ZNF662: variants seen among roughly 807,000 people sequenced by gnomAD.
ZNF662 encodes zinc finger protein 662.
ZNF662 carries 14 observed loss-of-function variants against 12.4 expected under a neutral mutation model. That is an observed-to-expected ratio of 1.13 (90% CI 0.75 to 1.77). The LOEUF is 1.77. Among genes scored for constraint, ZNF662 ranks in the 40% most tolerant of loss-of-function variants. ZNF662 has a pLI of 0.00. For missense variants in ZNF662, 550 were observed against 515.6 expected (o/e 1.07, Z -0.65); for synonymous variants, 184 against 176.4 (o/e 1.04, Z -0.34).
rs1168620459 is a variant in ZNF662 at position 42,912,396 on chromosome 3, T to TTTATATA, written c.152-789_152-783dup. 1.3e-3 allele frequency among the ~76,000 whole-genome samples: 131 copies of TTTATATA among 98,876 alleles called. 2 individuals are homozygous for TTTATATA. In the East Asian group the frequency reaches 0.03, roughly 22 times the overall value. The allele number at this position is 98,876 out of a possible 152,430, so 64.9% of individuals were successfully genotyped here. A position where few individuals can be genotyped will look rare whatever the true frequency, so the allele number is the denominator to read the frequency against. On this transcript the variant is annotated intron_variant, in intron 3 of 4. Transcript: ENST00000440367. ...ATATATTAAATATATATAATATATA[T>TTTATATA]TTATATATTATATATTATATATATT...
intron 3 of ZNF662, among the ~76,000 whole-genome samples, chr3:42,910,224 C>T (rs534013566): frequency 1.5e-4 from 23 of 152,298 alleles, no homozygotes; most frequent in South Asian, 4.1e-4. Flanking sequence ...TGGCGGCGCC[C>T]GCCTGCAATC....
In ZNF662 at chr3:42,917,414, C is replaced by T. The variant is rs1002508807; in HGVS notation, c.*2060C>T. Reference sequence around the variant, plus strand: ...TGTGGCACATAGGAAAATGTGAGACCTAGAATTATAGCAACTTTTTTTTTC... The same window carrying T: ...TGTGGCACATAGGAAAATGTGAGACTTAGAATTATAGCAACTTTTTTTTTC... On this transcript the variant is annotated 3_prime_UTR_variant, in exon 5 of 5. Coordinates refer to ENST00000440367, the MANE Select transcript of ZNF662 (RefSeq NM_207404.4). The T allele has an allele frequency of 9.0e-6, 6 of 669,252 alleles. No homozygotes were observed. In the East Asian group the frequency reaches 1.6e-4, roughly 18 times the overall value. 41.5% of individuals were successfully genotyped at this position (669,252 alleles called of 1,614,324 possible). A position where few individuals can be genotyped will look rare whatever the true frequency, so the allele number is the denominator to read the frequency against.
At position 42,914,666 on chromosome 3, in the gene ZNF662, GCAAGTGTTTTGAT is replaced by G; in HGVS notation, c.597_609del (p.Cys200MetfsTer42). On this transcript the variant is annotated frameshift_variant, in exon 5 of 5. Coordinates refer to ENST00000440367, the MANE Select transcript of ZNF662 (RefSeq NM_207404.4). LOFTEE classifies it low-confidence loss of function (END_TRUNC). ...ATATTCTATATATGTGAGGAATGCG[GCAAGTGTTTTGAT>G]CAAAATGAGGACTTTGATCAACACC... is the stretch of plus-strand genomic sequence containing the variant. 6.2e-7 allele frequency: 1 copy of G among 1,614,144 alleles called. No homozygotes were observed. Among genetic ancestry groups the G allele is most frequent in the Non-Finnish European group, 8.5e-7 (1 of 1,180,022 alleles).
intron 1 of ZNF662, among the ~76,000 whole-genome samples, chr3:42,907,444 G>A (rs1220250137): frequency 6.6e-6 from 1 of 152,166 alleles, no homozygotes; most frequent in African/African-American, 2.4e-5. Context: ...TCCTATACAG[G>A]GGCAGCAGGG....
chr3:42,915,549 A>C lies in ZNF662; in HGVS notation c.*195A>C. On this transcript the variant is annotated 3_prime_UTR_variant, in exon 5 of 5. Transcript: ENST00000440367. Reference sequence around the variant, plus strand: ...ATGATGTTTTAACAAGGCATCATTTAGTTGGGCAGCTACTCTGTATCAGGT... The same window carrying C: ...ATGATGTTTTAACAAGGCATCATTTCGTTGGGCAGCTACTCTGTATCAGGT... 1.8e-6 allele frequency: 1 copy of C among 554,638 alleles called. No individual in the cohort carries two copies. The highest frequency in any genetic ancestry group is 2.9e-5 in the East Asian group (1 of 34,154). 34.4% of individuals were successfully genotyped at this position (554,638 alleles called of 1,614,324 possible).
At position 42,915,339 on chromosome 3, in the gene ZNF662, C is replaced by A; in HGVS notation, c.1266C>A (p.His422Gln). ...RDKPYNCQIS[H>Q]LLEH ...AACCCTATAACTGTCAGATCTCTCA[C>A]CTTCTTGAACATTAGAGAGTGCATA... Residue 422 changes from histidine (H) to glutamine (Q), a missense_variant, in exon 5 of 5, where the codon CAC becomes CAA. Coordinates refer to ENST00000440367, the MANE Select transcript of ZNF662 (RefSeq NM_207404.4). 2 of 1,573,006 alleles carry A rather than the reference C, an allele frequency of 1.3e-6. No individual in the cohort carries two copies. The highest frequency in any genetic ancestry group is 2.2e-5 in the East Asian group (1 of 44,698).
At position 42,917,432 on chromosome 3, in the gene ZNF662, T is replaced by G. The variant is rs1303469877; in HGVS notation, c.*2078T>G. The G allele has an allele frequency of 2.9e-6, 2 of 677,990 alleles. No individual in the cohort carries two copies. Among genetic ancestry groups the G allele is most frequent in the African/African-American group, 3.6e-5 (2 of 55,330 alleles). 42.0% of individuals were successfully genotyped at this position (677,990 alleles called of 1,614,324 possible). ...GTGAGACCTAGAATTATAGCAACTT[T>G]TTTTTTCTGTTAAAAGGGGAGATTC... is the stretch of plus-strand genomic sequence containing the variant. On this transcript the variant is annotated 3_prime_UTR_variant, in exon 5 of 5. Transcript: ENST00000440367.
In ZNF662 at chr3:42,915,334, T is replaced by A; in HGVS notation, c.1261T>A (p.Ser421Thr). Reference protein sequence around the residue: ...ARDKPYNCQISHLLEH With the variant: ...ARDKPYNCQITHLLEH ...AGACAAACCCTATAACTGTCAGATCTCTCACCTTCTTGAACATTAGAGAGT... is the reference window on the plus strand; with the variant it reads ...AGACAAACCCTATAACTGTCAGATCACTCACCTTCTTGAACATTAGAGAGT... Residue 421 changes from serine to threonine, a missense_variant, in exon 5 of 5, where the codon TCT (serine) becomes ACT (threonine). By Grantham distance (58) the Ser-to-Thr change is moderately conservative (BLOSUM62 1). Coordinates refer to ENST00000440367, the MANE Select transcript of ZNF662 (RefSeq NM_207404.4). The A allele has an allele frequency of 6.3e-7, 1 of 1,578,518 alleles. No homozygotes were observed. The highest frequency in any genetic ancestry group is 8.6e-7 in the Non-Finnish European group (1 of 1,165,252).
In ZNF662 at chr3:42,912,422, AAT is replaced by A. The variant is rs1382456995; in HGVS notation, c.152-769_152-768del. Among the ~76,000 whole-genome samples, 178 of 98,408 alleles carry A rather than the reference AAT, an allele frequency of 1.8e-3. 1 individual carries two copies. The highest frequency in any genetic ancestry group is 5.2e-3 in the African/African-American group (125 of 23,968). The allele number at this position is 98,408 out of a possible 152,430, so 64.6% of individuals were successfully genotyped here. The stretch of plus-strand genomic sequence containing the variant: ...TTATATATTATATATTATATATATT[AAT>A]ATATATATAATATTTTTGTATATTA... On this transcript the variant is annotated intron_variant, in intron 3 of 4. Transcript: ENST00000440367.
At chr3:42,913,364 A>C in intron 4 of ZNF662, 62 bp downstream of exon 4, 1 of 1,362,580 alleles carries the variant, frequency 7.3e-7, no homozygotes, top group Non-Finnish European at 1.0e-6. Flanking sequence ...TTTCTTTTAT[A>C]AGATGTAAAA....
At chr3:42,907,809 AATAAAG>A (rs1016736106) in intron 1 of ZNF662, 3 of 985,318 alleles carry the variant, frequency 3.0e-6, no homozygotes, top group Middle Eastern at 5.2e-4. Context: ...TGTTTGCTGA[AATAAAG>A]ATGAAGAGAC....
At position 42,906,245 on chromosome 3, in the gene ZNF662, A is replaced by G; in HGVS notation, c.-94+77A>G. 7.9e-6 allele frequency: 8 copies of G among 1,016,476 alleles called. No homozygotes were observed. In the South Asian group the frequency reaches 8.2e-5, roughly 10 times the overall value. 63.0% of individuals were successfully genotyped at this position (1,016,476 alleles called of 1,614,324 possible). ...TCTTACTCCGGTGGCTGCAGGGCGC[A>G]GGGTAGCCGTGTCAGGCCTGCCCAG... is the stretch of plus-strand genomic sequence containing the variant. On this transcript the variant is annotated intron_variant, in intron 1 of 4. Coordinates refer to ENST00000440367, the MANE Select transcript of ZNF662 (RefSeq NM_207404.4). This position sits in a 1 kb window ranked among gnomAD's most constrained non-coding sequence, Gnocchi z 4.4.
rs1293435060 is a variant in ZNF662, at chr3:42,916,239, C to A, written c.*885C>A. 1 of 151,976 alleles carries A rather than the reference C, an allele frequency of 6.6e-6. No individual in the cohort carries two copies. The highest frequency in any genetic ancestry group is 1.5e-5 in the Non-Finnish European group (1 of 67,988). The allele number at this position is 151,976 out of a possible 1,614,324, so 9.4% of individuals were successfully genotyped here. A position where few individuals can be genotyped will look rare whatever the true frequency, so the allele number is the denominator to read the frequency against. On this transcript the variant is annotated 3_prime_UTR_variant, in exon 5 of 5. Coordinates refer to ENST00000440367, the MANE Select transcript of ZNF662 (RefSeq NM_207404.4). ...TTTCATAATTCTGTCTCACTGAAAA[C>A]CTTATTTGATGGAAGCAACATTGCA...
chr3:42,911,435 C>T (rs1432150587), intron 3 of ZNF662, among the ~76,000 whole-genome samples: 1 of 152,170 alleles, frequency 6.6e-6, no homozygotes, highest in Non-Finnish European at 1.5e-5. Flanking sequence ...GCTTCCTCTC[C>T]TCACCACCTA....
At position 42,915,835 on chromosome 3, in the gene ZNF662, A is replaced by G. The variant is rs1051256120; in HGVS notation, c.*481A>G. 1.3e-5 allele frequency: 2 copies of G among 152,872 alleles called. No individual in the cohort carries two copies. The highest frequency in any genetic ancestry group is 2.9e-5 in the Non-Finnish European group (2 of 68,802). The allele number at this position is 152,872 out of a possible 1,614,324, so 9.5% of individuals were successfully genotyped here. On this transcript the variant is annotated 3_prime_UTR_variant, in exon 5 of 5. Coordinates refer to ENST00000440367, the MANE Select transcript of ZNF662 (RefSeq NM_207404.4). ...CCTGTGCTTTTAGTTTCCCTTCATC[A>G]CTCAGATCTAGCTCCTTCAACTAAG...
rs780385719 is a variant in ZNF662 at position 42,915,380 on chromosome 3, T to C, written c.*26T>C. 4.6e-6 allele frequency: 7 copies of C among 1,520,692 alleles called. No individual in the cohort carries two copies. The Admixed American group carries it at 1.3e-4, about 29-fold the overall frequency. 94.2% of individuals were successfully genotyped at this position (1,520,692 alleles called of 1,614,324 possible). On this transcript the variant is annotated 3_prime_UTR_variant, in exon 5 of 5. Coordinates refer to ENST00000440367, the MANE Select transcript of ZNF662 (RefSeq NM_207404.4). ...AGAGTGCATAATGGTGATACTTGTT[T>C]ATAATTCTTATGCTGCAGGAACCCT...
In ZNF662 at chr3:42,906,308, T is replaced by C. The variant is rs2088677316; in HGVS notation, c.-94+140T>C. 2.0e-6 allele frequency: 3 copies of C among 1,518,814 alleles called. No homozygotes were observed. Among genetic ancestry groups the C allele is most frequent in the South Asian group, 1.2e-5 (1 of 82,734 alleles). 94.1% of individuals were successfully genotyped at this position (1,518,814 alleles called of 1,614,324 possible). A position where few individuals can be genotyped will look rare whatever the true frequency, so the allele number is the denominator to read the frequency against. ...CTTCCGCGACCCCAACAGCCTCTGG[T>C]CCGGTCTGGCGCGCCCTCGCTTTCC... On this transcript the variant is annotated intron_variant, in intron 1 of 4. Coordinates refer to ENST00000440367, the MANE Select transcript of ZNF662 (RefSeq NM_207404.4). The surrounding 1 kb of genome is among the most constrained non-coding windows in gnomAD (Gnocchi z 4.4).
At chr3:42,910,124 G>C (rs1020086979) in intron 3 of ZNF662, among the ~76,000 whole-genome samples, 1 of 152,162 alleles carries the variant, frequency 6.6e-6, no homozygotes, top group Non-Finnish European at 1.5e-5. Flanking sequence ...GCCAAGGCTG[G>C]CAGATCACTC....
In ZNF662 at chr3:42,906,705, C is replaced by G. The variant is rs1285266240; in HGVS notation, c.-94+537C>G. On this transcript the variant is annotated intron_variant, in intron 1 of 4. Coordinates refer to ENST00000440367, the MANE Select transcript of ZNF662 (RefSeq NM_207404.4). This position sits in a 1 kb window ranked among gnomAD's most constrained non-coding sequence, Gnocchi z 4.4. Reference sequence around the variant, plus strand: ...TGAATGGCCAGAATTTCAGAGCTGCCTTTACAGAGCTGGTTATGTTTGAGC... The same window carrying G: ...TGAATGGCCAGAATTTCAGAGCTGCGTTTACAGAGCTGGTTATGTTTGAGC... Among the ~76,000 whole-genome samples, 1 of 152,176 alleles carries G rather than the reference C, an allele frequency of 6.6e-6. No individual in the cohort carries two copies. Among genetic ancestry groups the G allele is most frequent in the Non-Finnish European group, 1.5e-5 (1 of 68,032 alleles).
Sources: gnomAD v4.1 joint callset for allele counts (sites outside exome capture counted in the v4.1 genomes callset) on GRCh38, gnomAD v4.1.1 for gene constraint, Gnocchi (gnomAD v3.1) non-coding constraint, MANE v1.5 for transcripts, NCBI Gene and HGNC (gene_info 2026-07-23, HGNC 2026-07-21) for gene names.